Variants in INSR observed in about 807,000 individuals in gnomAD.
INSR encodes the protein insulin receptor.
Under a neutral mutation model 142.6 loss-of-function variants are expected in INSR, and 67 were observed. That is an observed-to-expected ratio of 0.47 (90% confidence interval 0.39 to 0.58). The LOEUF is 0.58. INSR is among the 20% of genes least tolerant of loss of function. INSR has a pLI of 0.00. For missense variants in INSR, 1,248 were observed against 1,833.2 expected (o/e 0.68, Z 5.83); for synonymous variants, 756 against 743.1 (o/e 1.02, Z -0.28).
intron 13 of INSR, among the ~76,000 whole-genome samples, chr19:7,134,411 A>G (rs1329056143): frequency 6.6e-6 from 1 of 151,936 alleles, no homozygotes; most frequent in Non-Finnish European, 1.5e-5. Flanking sequence ...CTAAGGACAA[A>G]TAAAAAAGCT....
chr19:7,274,308 C>T (rs1968002673), intron 1 of INSR, among the ~76,000 whole-genome samples: 1 of 151,804 alleles, frequency 6.6e-6, no homozygotes, highest in African/African-American at 2.4e-5. Context: ...GGAGCTCAGG[C>T]GGCAATGCTC....
intron 2 of INSR, among the ~76,000 whole-genome samples, chr19:7,262,725 C>T (rs1977102346): frequency 6.6e-6 from 1 of 152,184 alleles, no homozygotes; most frequent in South Asian, 2.1e-4. Context: ...GGACAACATG[C>T]TCAGTGAAAT....
chr19:7,163,153 G>C lies in INSR; in HGVS notation c.1908C>G (p.Ser636=). The C allele has an allele frequency of 3.7e-6, 6 of 1,613,908 alleles. No individual in the cohort carries two copies. The highest frequency in any genetic ancestry group is 5.1e-6 in the Non-Finnish European group (6 of 1,179,856). The change falls in exon 9 of 22, where the codon TCC becomes TCG. Residue 636 remains serine (S), a synonymous_variant. Coordinates refer to ENST00000302850, the MANE Select transcript of INSR (RefSeq NM_000208.4). ...GTGGTTTCCACTTCAGAATAATCTG[G>C]GATGATGAGTTAGACACTGAGATTG... ...LDPISVSNSS[S]QIILKWKPPS... is the part of the protein sequence containing the mutation.
At chr19:7,268,900 C>G (rs1425474979) in intron 1 of INSR, among the ~76,000 whole-genome samples, 2 of 152,072 alleles carry the variant, frequency 1.3e-5, no homozygotes, top group African/African-American at 4.8e-5. Context: ...GCCTCCTCCT[C>G]CAGGCAGCCG....
intron 21 of INSR, among the ~76,000 whole-genome samples, chr19:7,118,171 C>G (rs963605882): frequency 4.0e-5 from 6 of 151,098 alleles, no homozygotes; most frequent in African/African-American, 1.5e-4. Flanking sequence ...TCCAGGAGTT[C>G]AAGGTTGCAG....
At position 7,114,499 on chromosome 19, in the gene INSR, G is replaced by T. The variant is rs553368503; in HGVS notation, c.*2557C>A. 2.0e-5 allele frequency: 3 copies of T among 152,332 alleles called. No homozygotes were observed. The highest frequency in any genetic ancestry group is 2.9e-5 in the Non-Finnish European group (2 of 68,030). 9.4% of individuals were successfully genotyped at this position (152,332 alleles called of 1,614,324 possible). A position where few individuals can be genotyped will look rare whatever the true frequency, so the allele number is the denominator to read the frequency against. ...GAAAAGGATCTATGCTCGCATAAAGGCCATACCTTCTCCATCCCAACTCCC... is the reference window on the plus strand; with the variant it reads ...GAAAAGGATCTATGCTCGCATAAAGTCCATACCTTCTCCATCCCAACTCCC... On this transcript the variant is annotated 3_prime_UTR_variant, in exon 22 of 22. Transcript: ENST00000302850.
intron 2 of INSR, among the ~76,000 whole-genome samples, chr19:7,240,486 T>C (rs10404468): frequency 1 from 152,237 of 152,338 alleles, 76,068 homozygotes; most frequent in Admixed American, 1. Flanking sequence ...AGAGCAGAAT[T>C]GCTTGAGGCA....
chr19:7,150,613 C>T lies in INSR; in HGVS notation c.2232-81G>A. 7.2e-7 allele frequency: 1 copy of T among 1,388,680 alleles called. No homozygotes were observed. The highest frequency in any genetic ancestry group is 1.0e-6 in the Non-Finnish European group (1 of 978,430). The allele number at this position is 1,388,680 out of a possible 1,614,324, so 86.0% of individuals were successfully genotyped here. ...ACTGGGCTCTGACACTTGGAGGCCA[C>T]ATGTGTCCGAGTAAGGGCACCCTGG... On this transcript the variant is annotated intron_variant, in intron 10 of 21. Transcript: ENST00000302850. This position sits in a 1 kb window ranked among gnomAD's most constrained non-coding sequence, Gnocchi z 4.2.
At chr19:7,237,260 T>G (rs868234371) in intron 2 of INSR, among the ~76,000 whole-genome samples, 8 of 152,104 alleles carry the variant, frequency 5.3e-5, no homozygotes, top group Admixed American at 1.3e-4. Context: ...GGCTCACGCC[T>G]GTAATCCCAG....
chr19:7,149,550 G>A (rs940359134), intron 11 of INSR, among the ~76,000 whole-genome samples: 22 of 152,080 alleles, frequency 1.4e-4, no homozygotes, highest in Non-Finnish European at 2.5e-4. Flanking sequence ...GGCCAGGGGC[G>A]GTGGCTCACG....
intron 2 of INSR, among the ~76,000 whole-genome samples, chr19:7,208,871 C>T (rs7256730): frequency 0.81 from 122,949 of 151,986 alleles, 49,905 homozygotes; most frequent in African/African-American, 0.87. Flanking sequence ...GGCATGGTGG[C>T]GCGTGCCTGT....
intron 2 of INSR, among the ~76,000 whole-genome samples, chr19:7,198,122 C>T (rs1000905882): frequency 6.6e-6 from 1 of 151,856 alleles, no homozygotes; most frequent in African/African-American, 2.4e-5. Flanking sequence ...AAGGCTCCGC[C>T]CCCTCGAGCC....
Position 7,202,115 on chromosome 19 carries a change from A to G in INSR, c.653-17478T>C, listed in dbSNP as rs140608282. On this transcript the variant is annotated intron_variant, in intron 2 of 21. Transcript: ENST00000302850. Reference sequence around the variant, plus strand: ...ATCTGTTCTATCCATTTCAGTAGTCACTAACCATACATGGCCCCTAAGCAG... The same window carrying G: ...ATCTGTTCTATCCATTTCAGTAGTCGCTAACCATACATGGCCCCTAAGCAG... 8.5e-5 allele frequency among the ~76,000 whole-genome samples: 13 copies of G among 152,258 alleles called. No homozygotes were observed. The East Asian group carries it at 2.5e-3, about 29-fold the overall frequency.
At chr19:7,244,388 C>G (rs1258152414) in intron 2 of INSR, among the ~76,000 whole-genome samples, 2 of 151,982 alleles carry the variant, frequency 1.3e-5, no homozygotes, top group African/African-American at 4.8e-5. Flanking sequence ...CAAAAATTAG[C>G]CGGGCATGGT....
rs1184602394 is a variant in INSR, at chr19:7,159,466, C to G, written c.2029+3566G>C. The G allele has an allele frequency of 6.7e-6, 1 of 150,214 alleles. No homozygotes were observed. Among genetic ancestry groups the G allele is most frequent in the African/African-American group, 2.5e-5 (1 of 40,692 alleles). 9.3% of individuals were successfully genotyped at this position (150,214 alleles called of 1,614,324 possible). A position where few individuals can be genotyped will look rare whatever the true frequency, so the allele number is the denominator to read the frequency against. ...CCTTTTAATGATATTAACTTTGTGA[C>G]AATTACAAATAAAACCATGTTTAAA... On this transcript the variant is annotated intron_variant, in intron 9 of 21. Coordinates refer to ENST00000302850, the MANE Select transcript of INSR (RefSeq NM_000208.4). The surrounding 1 kb of genome is among the most constrained non-coding windows in gnomAD (Gnocchi z 4.3).
chr19:7,237,105 T>C (rs905821770), intron 2 of INSR, among the ~76,000 whole-genome samples: 1 of 151,190 alleles, frequency 6.6e-6, no homozygotes. Flanking sequence ...GATAAAAGAC[T>C]ACAAATTGGG....
chr19:7,268,506 A>G (rs909755189), intron 1 of INSR: 15 of 985,058 alleles, frequency 1.5e-5, no homozygotes, highest in Non-Finnish European at 1.8e-5. Flanking sequence ...CCCAGGCCCC[A>G]ACGCCCACCA....
At chr19:7,191,830 A>G (rs4804373) in intron 2 of INSR, among the ~76,000 whole-genome samples, 10 of 22,824 alleles carry the variant, frequency 4.4e-4, no homozygotes, top group Admixed American at 1.0e-3. Context: ...CCCTATCTTT[A>G]AAAAGAAGAG....
intron 2 of INSR, among the ~76,000 whole-genome samples, chr19:7,189,957 C>T (rs1163747210): frequency 1.3e-5 from 2 of 152,082 alleles, no homozygotes; most frequent in Admixed American, 6.5e-5. Flanking sequence ...ACCCACTACG[C>T]CTGGCCGATT....
Sources: gnomAD v4.1 joint callset for allele counts (sites outside exome capture counted in the v4.1 genomes callset) on GRCh38, gnomAD v4.1.1 for gene constraint, Gnocchi (gnomAD v3.1) non-coding constraint, MANE v1.5 for transcripts, NCBI Gene and HGNC (gene_info 2026-07-23, HGNC 2026-07-21) for gene names.